ACER3: variants seen among roughly 807,000 people sequenced by gnomAD.
ACER3 encodes the protein alkCDase 3.
ACER3 carries 16 observed loss-of-function variants against 48.9 expected under a neutral mutation model. The observed-to-expected ratio is 0.33, with a 90% confidence interval of 0.22 to 0.50. The LOEUF is 0.50. Among genes scored for constraint, ACER3 ranks in the 20% least tolerant of loss-of-function variants. The probability of loss-of-function intolerance (pLI) is 0.98; values close to 1 mark genes in which losing one functional copy is unlikely to be tolerated. For synonymous variants in ACER3, 109 were observed against 107.8 expected, an observed-to-expected ratio of 1.01 and a Z score of -0.07; for missense variants, 227 against 326.0, an observed-to-expected ratio of 0.70 and a Z score of 2.34.
intron 6 of ACER3, chr11:76,994,207 T>G (rs1357400988): frequency 2.2e-6 from 1 of 453,776 alleles, no homozygotes; most frequent in Non-Finnish European, 4.4e-6. Flanking sequence ...TCTCGGCTCA[T>G]TGGAACCTCC....
chr11:76,980,026 T>C (rs907738645), intron 4 of ACER3, among the ~76,000 whole-genome samples: 6 of 151,946 alleles, frequency 3.9e-5, no homozygotes, highest in African/African-American at 1.5e-4. Context: ...TAATTTCAGC[T>C]ACTTGGGAGG....
At chr11:77,016,822 G>GC in intron 9 of ACER3, 43 bp downstream of exon 9, 3 of 852,390 alleles carry the variant, frequency 3.5e-6, no homozygotes, top group Non-Finnish European at 3.4e-6. Context: ...AGAGTTTGTT[G>GC]TTTTTTTTTT....
rs1292200971 is a variant in ACER3 at position 76,969,118 on chromosome 11, CA to C, written c.268-7166del. Among the ~76,000 whole-genome samples the C allele has an allele frequency of 3.9e-5, 6 of 152,290 alleles. No individual in the cohort carries two copies. In the East Asian group the frequency reaches 1.2e-3, roughly 29 times the overall value. Reference sequence around the variant, plus strand: ...ACAAGAAAAAAACAAACAACTCCATCAAAAAGTGGGCAAAGGATATGAACAG... The same window carrying C: ...ACAAGAAAAAAACAAACAACTCCATCAAAAGTGGGCAAAGGATATGAACAG... On this transcript the variant is annotated intron_variant, in intron 3 of 10. Coordinates refer to ENST00000532485, the MANE Select transcript of ACER3 (RefSeq NM_018367.7).
Position 76,872,556 on chromosome 11 carries a change from A to T in ACER3, c.103+11477A>T, listed in dbSNP as rs568175040. On this transcript the variant is annotated intron_variant, in intron 1 of 10. Transcript: ENST00000532485. ...TAAGAAGTGGTCTGCCTAAGATTAC[A>T]TTGAAAATTAGTGGTGAAGCCTAGA... Among the ~76,000 whole-genome samples the T allele has an allele frequency of 8.5e-5, 13 of 152,350 alleles. No individual in the cohort carries two copies. The East Asian group carries it at 2.3e-3, about 27-fold the overall frequency.
chr11:76,922,590 A>C (rs2134788903), intron 1 of ACER3, among the ~76,000 whole-genome samples: 1 of 152,298 alleles, frequency 6.6e-6, no homozygotes, highest in South Asian at 2.1e-4. Context: ...TATTCTGAAT[A>C]AAATACTCTG....
Position 76,907,124 on chromosome 11 carries a change from A to G in ACER3, c.104-19433A>G, listed in dbSNP as rs548679503. ...GATCATCAACTTACATTAGACAGCC[A>G]GTTTAATACCCCAATTATTTAAAGC... On this transcript the variant is annotated intron_variant, in intron 1 of 10. Transcript: ENST00000532485. 2.6e-5 allele frequency among the ~76,000 whole-genome samples: 4 copies of G among 152,322 alleles called. No individual in the cohort carries two copies. The East Asian group carries it at 7.7e-4, about 29-fold the overall frequency.
At chr11:77,016,432 A>C (rs1949370955) in intron 8 of ACER3, among the ~76,000 whole-genome samples, 2 of 152,206 alleles carry the variant, frequency 1.3e-5, no homozygotes, top group South Asian at 4.1e-4. Context: ...GATTTGCTTC[A>C]AAAAGATATG....
intron 2 of ACER3, among the ~76,000 whole-genome samples, chr11:76,936,023 GT>G (rs1947171664): frequency 6.6e-6 from 1 of 152,146 alleles, no homozygotes; most frequent in Non-Finnish European, 1.5e-5. Context: ...CCCTGCATTA[GT>G]TTGTTTTCAT....
Position 76,976,360 on chromosome 11 carries a change from T to C in ACER3, c.320+19T>C. On this transcript the variant is annotated intron_variant, in intron 4 of 10. Coordinates refer to ENST00000532485, the MANE Select transcript of ACER3 (RefSeq NM_018367.7). ...ACTGCATGTAAGTACTTTTAAAATT[T>C]CATTGTTTGATTTATTTTTAAATTT... 4 of 1,486,452 alleles carry C rather than the reference T, an allele frequency of 2.7e-6. No individual in the cohort carries two copies. Among genetic ancestry groups the C allele is most frequent in the Non-Finnish European group, 3.7e-6 (4 of 1,079,852 alleles). 92.1% of individuals were successfully genotyped at this position (1,486,452 alleles called of 1,614,324 possible).
At chr11:76,927,342 C>G (rs1946857499) in intron 2 of ACER3, among the ~76,000 whole-genome samples, 1 of 152,118 alleles carries the variant, frequency 6.6e-6, no homozygotes, top group Non-Finnish European at 1.5e-5. Context: ...ATACCAGAGC[C>G]TAACGTAGTG....
At chr11:77,013,933 G>T (rs955866588) in intron 7 of ACER3, among the ~76,000 whole-genome samples, 1 of 152,064 alleles carries the variant, frequency 6.6e-6, no homozygotes, top group Non-Finnish European at 1.5e-5. Flanking sequence ...GAATCTCAAA[G>T]AATTATGTCA....
rs1945289439 is a variant in ACER3, at chr11:76,873,170, GTGT to G, written c.103+12094_103+12096del. ...CCTGGCCTCAAGCGATCCTCCCAAAGTGTTGGGATTACGGGCATAAGCCACCAC... is the reference window on the plus strand; with the variant it reads ...CCTGGCCTCAAGCGATCCTCCCAAAGTGGGATTACGGGCATAAGCCACCAC... On this transcript the variant is annotated intron_variant, in intron 1 of 10. Transcript: ENST00000532485. Among the ~76,000 whole-genome samples the G allele has an allele frequency of 2.0e-5, 3 of 152,064 alleles. No individual in the cohort carries two copies. The South Asian group carries it at 6.2e-4, about 32-fold the overall frequency.
intron 1 of ACER3, among the ~76,000 whole-genome samples, chr11:76,901,755 G>T (rs1241016119): frequency 6.6e-6 from 1 of 152,176 alleles, no homozygotes; most frequent in South Asian, 2.1e-4. Context: ...GAACAAAACA[G>T]GATAGGGATT....
chr11:76,939,483 C>T (rs1947282994), intron 2 of ACER3, among the ~76,000 whole-genome samples: 1 of 152,206 alleles, frequency 6.6e-6, no homozygotes, highest in African/African-American at 2.4e-5. Context: ...GTAGTCTCAA[C>T]TAGTCAGAAG....
At chr11:76,963,774 A>C (rs1354384815) in intron 3 of ACER3, among the ~76,000 whole-genome samples, 1 of 151,434 alleles carries the variant, frequency 6.6e-6, no homozygotes, top group African/African-American at 2.5e-5. Flanking sequence ...GTGATGCTAT[A>C]CCAAAGTCAG....
At position 76,934,654 on chromosome 11, in the gene ACER3, C is replaced by T. The variant is rs541492904; in HGVS notation, c.214+7987C>T. ...GCAGCAGTACAGTCCAGCTTTGGCT[C>T]GGCATCAGAGGGAGACCGTGGAAAG... On this transcript the variant is annotated intron_variant, in intron 2 of 10. Transcript: ENST00000532485. 3.0e-4 allele frequency among the ~76,000 whole-genome samples: 25 copies of T among 82,890 alleles called. No homozygotes were observed. The South Asian group carries it at 7.0e-3, about 23-fold the overall frequency. The allele number at this position is 82,890 out of a possible 152,430, so 54.4% of individuals were successfully genotyped here.
intron 5 of ACER3, 24 bp from the exon 6 acceptor site, chr11:76,990,515 T>G (rs769433377): frequency 6.9e-7 from 1 of 1,447,176 alleles, no homozygotes; most frequent in South Asian, 1.1e-5. Flanking sequence ...TTCATTCACA[T>G]GTGTTTTTTC....
At chr11:76,999,389 TC>T (rs1312300331) in intron 7 of ACER3, among the ~76,000 whole-genome samples, 2 of 151,658 alleles carry the variant, frequency 1.3e-5, no homozygotes, top group African/African-American at 4.8e-5. Flanking sequence ...GTTTTTTTTT[TC>T]TTTTTTATTA....
intron 2 of ACER3, among the ~76,000 whole-genome samples, chr11:76,950,496 C>G (rs187662993): frequency 5.1e-4 from 76 of 149,110 alleles, no homozygotes; most frequent in Non-Finnish European, 8.9e-4. Context: ...GGATCTCACT[C>G]TGTCACTCTG....
Sources: gnomAD v4.1 joint callset for allele counts (sites outside exome capture counted in the v4.1 genomes callset) on GRCh38, gnomAD v4.1.1 for gene constraint, MANE v1.5 for transcripts, NCBI Gene and HGNC (gene_info 2026-07-23, HGNC 2026-07-21) for gene names.